Variants in ARL8B observed in about 807,000 individuals in gnomAD.
ARL8B encodes the protein ADP-ribosylation factor-like protein 8B.
Under a neutral mutation model 30.6 loss-of-function variants are expected in ARL8B, and 9 were observed. The ratio of observed to expected loss-of-function variants is 0.29; its 90% CI spans 0.18 to 0.51. ARL8B has a LOEUF of 0.51. ARL8B is among the 20% of genes least tolerant of loss of function. The pLI is 0.97. For missense variants in ARL8B, 130 were observed against 227.2 expected (o/e 0.57, Z 2.75); for synonymous variants, 74 against 76.0 (o/e 0.97, Z 0.14).
intron 1 of ARL8B, among the ~76,000 whole-genome samples, chr3:5,137,683 C>T (rs1347260297): frequency 1.3e-5 from 2 of 152,146 alleles, no homozygotes; most frequent in African/African-American, 4.8e-5. Context: ...AATGATCCAC[C>T]CGCCTTGGCC....
intron 6 of ARL8B, among the ~76,000 whole-genome samples, chr3:5,178,011 AGGCTT>A (rs1287888447): frequency 6.6e-6 from 1 of 152,160 alleles, no homozygotes; most frequent in Non-Finnish European, 1.5e-5. Flanking sequence ...CTCATCTTTC[AGGCTT>A]GGAGAATAGA....
intron 1 of ARL8B, among the ~76,000 whole-genome samples, chr3:5,124,741 A>G (rs139275924): frequency 3.9e-5 from 6 of 152,184 alleles, no homozygotes; most frequent in Non-Finnish European, 8.8e-5. Context: ...GCCTCCCAGC[A>G]TACTGGGATT....
chr3:5,151,349 AG>A (rs2106562614), intron 1 of ARL8B, among the ~76,000 whole-genome samples: 1 of 152,254 alleles, frequency 6.6e-6, no homozygotes, highest in African/African-American at 2.4e-5. Context: ...AGGATGAGGT[AG>A]AAGAATTGCT....
intron 1 of ARL8B, among the ~76,000 whole-genome samples, chr3:5,123,092 C>T (rs1014999407): frequency 3.3e-5 from 5 of 152,190 alleles, no homozygotes; most frequent in Non-Finnish European, 2.9e-5. Flanking sequence ...TGAGCGCCTT[C>T]CTGAATTCTG....
At chr3:5,164,846 C>G (rs1206023305) in intron 1 of ARL8B, among the ~76,000 whole-genome samples, 1 of 152,066 alleles carries the variant, frequency 6.6e-6, no homozygotes, top group East Asian at 1.9e-4. Flanking sequence ...TCTTTAGCCT[C>G]TGTTAGTCTG....
At chr3:5,135,498 G>A (rs553217617) in intron 1 of ARL8B, among the ~76,000 whole-genome samples, 10 of 151,306 alleles carry the variant, frequency 6.6e-5, no homozygotes, top group South Asian at 2.1e-4. Flanking sequence ...TCGCTCTGTC[G>A]CCCAGGCTGG....
chr3:5,168,636 A>C (rs984210129), intron 1 of ARL8B, among the ~76,000 whole-genome samples: 1 of 152,250 alleles, frequency 6.6e-6, no homozygotes, highest in Non-Finnish European at 1.5e-5. Flanking sequence ...GTTCATAATC[A>C]TAAAACTTTA....
intron 1 of ARL8B, among the ~76,000 whole-genome samples, chr3:5,142,869 A>T (rs971247896): frequency 6.6e-6 from 1 of 152,180 alleles, no homozygotes; most frequent in Admixed American, 6.5e-5. Flanking sequence ...GCTAATGGCA[A>T]TGAGTATAGG....
chr3:5,125,619 G>A lies in ARL8B; in HGVS notation c.123+3031G>A, dbSNP rs2054224051. 2.0e-5 allele frequency among the ~76,000 whole-genome samples: 3 copies of A among 151,042 alleles called. No individual in the cohort carries two copies. The South Asian group carries it at 6.2e-4, about 31-fold the overall frequency. On this transcript the variant is annotated intron_variant, in intron 1 of 6. Transcript: ENST00000256496. ...ATGATCTTGGCTCACTGCAACCTCT[G>A]CCTCCTGGGTTCAAGCTATTCTCGT...
At chr3:5,141,736 A>G (rs540289344) in intron 1 of ARL8B, among the ~76,000 whole-genome samples, 1 of 152,334 alleles carries the variant, frequency 6.6e-6, no homozygotes, top group East Asian at 1.9e-4. Context: ...CCCACCCAGC[A>G]TAACACTTAC....
intron 1 of ARL8B, among the ~76,000 whole-genome samples, chr3:5,132,035 G>A (rs754321652): frequency 6.6e-5 from 10 of 152,246 alleles, no homozygotes; most frequent in African/African-American, 9.6e-5. Context: ...GGCATGTGCC[G>A]TCATGCCCAG....
chr3:5,178,484 C>G (rs1020254978), intron 6 of ARL8B, among the ~76,000 whole-genome samples, 180 bp from the exon 7 acceptor site: 1 of 151,634 alleles, frequency 6.6e-6, no homozygotes, highest in Non-Finnish European at 1.5e-5. Flanking sequence ...ACGCTTCAGT[C>G]TCTGATAATT....
chr3:5,174,244 T>A (rs1384352473), intron 5 of ARL8B, 100 bp from the exon 6 acceptor site: 1 of 1,084,214 alleles, frequency 9.2e-7, no homozygotes, highest in African/African-American at 1.6e-5. Flanking sequence ...CTACGATGAT[T>A]TCTTCAGTAT....
At chr3:5,176,188 C>A (rs2054728211) in intron 6 of ARL8B, among the ~76,000 whole-genome samples, 1 of 152,130 alleles carries the variant, frequency 6.6e-6, no homozygotes, top group African/African-American at 2.4e-5. Flanking sequence ...TCCAGTCTAT[C>A]CTTCCCTAAC....
At chr3:5,165,624 C>T (rs1475120447) in intron 1 of ARL8B, among the ~76,000 whole-genome samples, 2 of 151,980 alleles carry the variant, frequency 1.3e-5, no homozygotes, top group Non-Finnish European at 2.9e-5. Flanking sequence ...TCTGTCTTCA[C>T]AAAGTGGCTT....
intron 1 of ARL8B, among the ~76,000 whole-genome samples, chr3:5,138,872 T>C (rs1377002424): frequency 6.6e-6 from 1 of 152,176 alleles, no homozygotes; most frequent in Non-Finnish European, 1.5e-5. Context: ...GGCTTTACAG[T>C]GCTTACTGTT....
chr3:5,170,744 T>C (rs972073716), intron 2 of ARL8B, 161 bp downstream of exon 2: 2 of 567,300 alleles, frequency 3.5e-6, no homozygotes, highest in African/African-American at 3.9e-5. Context: ...TTTTGTTTTT[T>C]TTTTGGAAAC....
At chr3:5,167,601 A>G (rs892883552) in intron 1 of ARL8B, among the ~76,000 whole-genome samples, 5 of 152,200 alleles carry the variant, frequency 3.3e-5, no homozygotes, top group Non-Finnish European at 7.3e-5. Flanking sequence ...CTTAAGAACA[A>G]TGTGACTTTA....
In ARL8B at chr3:5,180,794, A is replaced by G. The variant is rs2106576763; in HGVS notation, c.*2081A>G. On this transcript the variant is annotated 3_prime_UTR_variant, in exon 7 of 7. Coordinates refer to ENST00000256496, the MANE Select transcript of ARL8B (RefSeq NM_018184.3). ...ATGTGCATCATGATGGAAGGTGCAGACTTTTTTGGAAGTTTCCGAGAGGAG... is the reference window on the plus strand; with the variant it reads ...ATGTGCATCATGATGGAAGGTGCAGGCTTTTTTGGAAGTTTCCGAGAGGAG... 1 of 135,202 alleles carries G rather than the reference A, an allele frequency of 7.4e-6. No homozygotes were observed. Among genetic ancestry groups the G allele is most frequent in the Non-Finnish European group, 1.5e-5 (1 of 64,622 alleles). 8.4% of individuals were successfully genotyped at this position (135,202 alleles called of 1,614,324 possible).
Sources: allele counts gnomAD v4.1 joint callset (sites outside exome capture counted in the v4.1 genomes callset), GRCh38; gene constraint gnomAD v4.1.1; transcripts MANE v1.5; gene names NCBI Gene and HGNC (gene_info 2026-07-23, HGNC 2026-07-21).